Variants in AVEN observed in about 807,000 individuals in gnomAD.
AVEN encodes the protein cell death regulator Aven.
In AVEN, 41 loss-of-function variants were observed where a neutral mutation model predicts 38.1. That is an observed-to-expected ratio of 1.08 (90% CI 0.84 to 1.40). The LOEUF is 1.40. Among genes scored for constraint, AVEN ranks in the 40% most tolerant of loss-of-function variants. The pLI is 0.00. For missense variants in AVEN, 605 were observed against 438.8 expected (o/e 1.38, Z -3.38); for synonymous variants, 206 against 171.8 (o/e 1.20, Z -1.56).
chr15:34,038,693 C>T, intron 1 of AVEN, 87 bp downstream of exon 1: 2 of 1,083,390 alleles, frequency 1.8e-6, no homozygotes, highest in Non-Finnish European at 2.2e-6. Flanking sequence ...GCGCCTGGCA[C>T]GCTCTCTTGC....
chr15:33,864,533 GAGAC>G (rs879286652), downstream of AVEN, among the ~76,000 whole-genome samples: 3 of 152,184 alleles, frequency 2.0e-5, no homozygotes, highest in Non-Finnish European at 4.4e-5. Context: ...AACGGAGTGA[GAGAC>G]AGGCTAAGAA....
intron 2 of AVEN, among the ~76,000 whole-genome samples, chr15:33,942,729 G>A (rs1052494387): frequency 1.4e-4 from 22 of 152,148 alleles, no homozygotes; most frequent in Non-Finnish European, 2.5e-4. Flanking sequence ...GGGATTACAG[G>A]CGTGAGCCAC....
intron 11 of AVEN, chr15:33,859,438 T>C (rs1234529580): frequency 4.9e-6 from 4 of 812,494 alleles, no homozygotes; most frequent in African/African-American, 1.7e-5. Context: ...GCAGCATGAA[T>C]ACTGGCACCT....
chr15:33,875,653 T>A (rs1378699898), intron 3 of AVEN, among the ~76,000 whole-genome samples: 1 of 152,170 alleles, frequency 6.6e-6, no homozygotes, highest in Non-Finnish European at 1.5e-5. Flanking sequence ...TAATCCACTC[T>A]GTCAAAATCA....
intron 2 of AVEN, among the ~76,000 whole-genome samples, chr15:33,888,758 G>A (rs900461098): frequency 6.6e-6 from 1 of 151,704 alleles, no homozygotes; most frequent in Non-Finnish European, 1.5e-5. Flanking sequence ...CTTTTTTTGT[G>A]TGTGTGTGTG....
the AVEN span, chr15:33,853,737 CTT>C: frequency 1.3e-6 from 2 of 1,570,900 alleles, no homozygotes; most frequent in Non-Finnish European, 1.7e-6. Context: ...TAGATCTTTG[CTT>C]TTCCATAGGA....
intron 2 of AVEN, among the ~76,000 whole-genome samples, chr15:33,891,999 C>T (rs577162749): frequency 3.3e-4 from 51 of 152,286 alleles, no homozygotes; most frequent in African/African-American, 9.1e-4. Context: ...AGCATTTTTT[C>T]GTGTGTCTGT....
intron 5 of AVEN, among the ~76,000 whole-genome samples, chr15:34,054,447 G>C (rs1900053370): frequency 6.6e-6 from 1 of 152,044 alleles, no homozygotes; most frequent in Admixed American, 6.5e-5. Flanking sequence ...ATCAACAATA[G>C]ACTGGATAAA....
intron 1 of AVEN, among the ~76,000 whole-genome samples, chr15:34,028,371 C>T (rs534163509): frequency 6.6e-6 from 1 of 152,212 alleles, no homozygotes; most frequent in African/African-American, 2.4e-5. Flanking sequence ...TCGAGAGCAG[C>T]CTGTGCAACC....
chr15:34,012,612 G>A (rs1001720681), intron 1 of AVEN, among the ~76,000 whole-genome samples: 11 of 152,108 alleles, frequency 7.2e-5, no homozygotes, highest in African/African-American at 1.7e-4. Flanking sequence ...ATCTACCAGC[G>A]TAAGTCTGGT....
intron 11 of AVEN, chr15:33,859,613 A>T (rs544303070): frequency 3.1e-6 from 5 of 1,614,018 alleles, no homozygotes; most frequent in Admixed American, 1.7e-5. Context: ...TGAGAGCAGG[A>T]GGTGGCATTG....
At chr15:33,993,903 T>C (rs1405800673) in intron 2 of AVEN, among the ~76,000 whole-genome samples, 1 of 152,270 alleles carries the variant, frequency 6.6e-6, no homozygotes, top group African/African-American at 2.4e-5. Flanking sequence ...TGTGGGCATG[T>C]TTCTTTTACT....
downstream of AVEN, chr15:33,854,919 T>C (rs758116103): frequency 3.1e-6 from 5 of 1,606,804 alleles, no homozygotes; most frequent in Admixed American, 6.8e-5. Context: ...ACAGGTATGG[T>C]TTCTACTGAT....
intron 2 of AVEN, among the ~76,000 whole-genome samples, chr15:33,939,504 G>C (rs1894231698): frequency 6.6e-6 from 1 of 152,188 alleles, no homozygotes; most frequent in African/African-American, 2.4e-5. Flanking sequence ...GAGCAACAGA[G>C]AAAGACAACT....
At chr15:34,062,739 A>C in intron 5 of AVEN, 1 of 1,612,182 alleles carries the variant, frequency 6.2e-7, no homozygotes, top group Non-Finnish European at 8.5e-7. Context: ...TTCTTACCAC[A>C]ATGCAACCAC....
In AVEN at chr15:34,012,790, T is replaced by G. The variant is rs572268686; in HGVS notation, c.268-9581A>C. Among the ~76,000 whole-genome samples, 537 of 152,334 alleles carry G rather than the reference T, an allele frequency of 3.5e-3. 4 individuals are homozygous for G. The highest frequency in any genetic ancestry group is 4.2e-3 in the Non-Finnish European group (284 of 68,022). Reference sequence around the variant, plus strand: ...ATTACTGAACTAGAAGGAACCTAGATAGGTCAAGCCTCTGCCCTCAAGCAA... The same window carrying G: ...ATTACTGAACTAGAAGGAACCTAGAGAGGTCAAGCCTCTGCCCTCAAGCAA... On this transcript the variant is annotated intron_variant, in intron 1 of 5. Coordinates refer to ENST00000306730, the MANE Select transcript of AVEN (RefSeq NM_020371.3).
At chr15:33,866,160 G>C (rs936231153), downstream of AVEN, 1 of 172,560 alleles carries the variant, frequency 5.8e-6, no homozygotes, top group Admixed American at 5.5e-5. Context: ...CAACCACTCT[G>C]TGACTGCTGG....
chr15:34,033,604 G>A (rs904762254), intron 1 of AVEN, among the ~76,000 whole-genome samples: 11 of 152,068 alleles, frequency 7.2e-5, no homozygotes, highest in African/African-American at 2.2e-4. Context: ...AGCCTGTAGA[G>A]TTATATAACA....
chr15:33,900,437 A>G (rs949266157), intron 2 of AVEN, among the ~76,000 whole-genome samples: 2 of 151,722 alleles, frequency 1.3e-5, no homozygotes, highest in Non-Finnish European at 2.9e-5. Flanking sequence ...CCTCCCAAAC[A>G]GCTGGGACTA....
Sources: gnomAD v4.1 joint callset for allele counts (sites outside exome capture counted in the v4.1 genomes callset) on GRCh38, gnomAD v4.1.1 for gene constraint, MANE v1.5 for transcripts, NCBI Gene and HGNC (gene_info 2026-07-23, HGNC 2026-07-21) for gene names.